Variants in NLK observed in about 807,000 individuals in gnomAD.
NLK encodes nemo like kinase.
In NLK, 11 loss-of-function variants were observed where a neutral mutation model predicts 59.0. The ratio of observed to expected loss-of-function variants is 0.19; its 90% CI spans 0.12 to 0.31. NLK has a LOEUF of 0.31. NLK is among the 10% of genes least tolerant of loss of function. The probability of loss-of-function intolerance (pLI) is 1.00; values close to 1 mark genes in which losing one functional copy is unlikely to be tolerated. For synonymous variants in NLK, 235 were observed against 235.9 expected (o/e 1.00, Z 0.03); for missense variants, 410 against 661.1 (o/e 0.62, Z 4.16).
chr17:28,061,299 GA>G (rs1188689179), intron 1 of NLK, among the ~76,000 whole-genome samples: 3 of 151,974 alleles, frequency 2.0e-5, no homozygotes, highest in Admixed American at 1.3e-4. Context: ...GAAGCAAATT[GA>G]AAAAAAGACA....
At chr17:28,073,196 AC>A (rs1193248054) in intron 1 of NLK, among the ~76,000 whole-genome samples, 1 of 152,190 alleles carries the variant, frequency 6.6e-6, no homozygotes, top group African/African-American at 2.4e-5. Context: ...TCTACCAAGA[AC>A]CAAAGCCAAT....
At chr17:28,085,965 CTCTATGACA>C (rs1408994993) in intron 1 of NLK, among the ~76,000 whole-genome samples, 2 of 152,108 alleles carry the variant, frequency 1.3e-5, no homozygotes, top group Non-Finnish European at 2.9e-5. Flanking sequence ...TGTAAGTACA[CTCTATGACA>C]TCTATGACAT....
chr17:28,101,138 C>G (rs768362796), intron 1 of NLK, among the ~76,000 whole-genome samples: 1 of 152,150 alleles, frequency 6.6e-6, no homozygotes, highest in Non-Finnish European at 1.5e-5. Context: ...TTATTGACCT[C>G]TATGTCTATC....
At chr17:28,190,972 A>C in intron 8 of NLK, 49 bp from the exon 9 acceptor site, 2 of 1,309,710 alleles carry the variant, frequency 1.5e-6, no homozygotes, top group South Asian at 1.4e-5. Context: ...CTATGTGGAC[A>C]GTCATTTTAT....
chr17:28,169,688 C>G (rs949124980), intron 6 of NLK, among the ~76,000 whole-genome samples: 1 of 150,176 alleles, frequency 6.7e-6, no homozygotes, highest in Non-Finnish European at 1.5e-5. Flanking sequence ...GTTACTTAAC[C>G]TCTGTGTTCC....
intron 1 of NLK, chr17:28,048,135 CT>C: frequency 2.6e-6 from 1 of 391,462 alleles, no homozygotes; most frequent in African/African-American, 2.1e-5. Flanking sequence ...AACGAACTTA[CT>C]TTTGGAAATT....
At chr17:28,158,967 G>T (rs1262568568) in intron 3 of NLK, among the ~76,000 whole-genome samples, 1 of 152,162 alleles carries the variant, frequency 6.6e-6, no homozygotes, top group African/African-American at 2.4e-5. Flanking sequence ...TATACATGTG[G>T]TCCATCATCA....
intron 1 of NLK, among the ~76,000 whole-genome samples, chr17:28,077,301 C>T (rs1910204202): frequency 1.3e-5 from 2 of 151,754 alleles, no homozygotes; most frequent in African/African-American, 2.4e-5. Flanking sequence ...GCGAAAGGCA[C>T]CTCTTAACAT....
At chr17:28,121,032 CTTTAA>C (rs1906023588) in intron 1 of NLK, among the ~76,000 whole-genome samples, 1 of 152,122 alleles carries the variant, frequency 6.6e-6, no homozygotes, top group African/African-American at 2.4e-5. Context: ...CTGTTCTAAA[CTTTAA>C]TTAATAACTT....
rs750772709 is a variant in NLK at position 28,185,912 on chromosome 17, T to C, written c.1236+647T>C. Among the ~76,000 whole-genome samples the C allele has an allele frequency of 2.0e-5, 3 of 152,282 alleles. No homozygotes were observed. The East Asian group carries it at 5.8e-4, about 29-fold the overall frequency. ...ATTGCATAAGGAAATGTTTGCTCTG[T>C]GTTGTTGAGATGGAAGCTTTTCCCA... On this transcript the variant is annotated intron_variant, in intron 8 of 10. Transcript: ENST00000407008.
chr17:28,111,426 T>G (rs1905473719), intron 1 of NLK, among the ~76,000 whole-genome samples: 1 of 152,040 alleles, frequency 6.6e-6, no homozygotes, highest in South Asian at 2.1e-4. Flanking sequence ...CTGCCCACCT[T>G]GGCCTCCCAA....
chr17:28,137,672 T>G (rs970697773), intron 3 of NLK, among the ~76,000 whole-genome samples: 1 of 152,146 alleles, frequency 6.6e-6, no homozygotes, highest in African/African-American at 2.4e-5. Flanking sequence ...AGACTGAAAC[T>G]GTAATAAAAT....
intron 3 of NLK, among the ~76,000 whole-genome samples, chr17:28,149,315 C>T (rs556813611): frequency 3.9e-5 from 6 of 152,262 alleles, no homozygotes; most frequent in Middle Eastern, 3.4e-3. Context: ...CTTCCTGCCT[C>T]GGCCTCCCAA....
At chr17:28,093,761 A>C (rs1904597382) in intron 1 of NLK, among the ~76,000 whole-genome samples, 2 of 152,220 alleles carry the variant, frequency 1.3e-5, no homozygotes, top group South Asian at 4.1e-4. Context: ...TGTTTGAAAA[A>C]TGAAGATAAC....
intron 1 of NLK, among the ~76,000 whole-genome samples, chr17:28,111,221 C>A (rs1905460569): frequency 6.6e-6 from 1 of 151,990 alleles, no homozygotes; most frequent in South Asian, 2.1e-4. Flanking sequence ...GAGTCTCGAT[C>A]TATTGCCCAG....
chr17:28,058,440 A>G (rs540544561), intron 1 of NLK, among the ~76,000 whole-genome samples: 24 of 152,294 alleles, frequency 1.6e-4, no homozygotes, highest in African/African-American at 4.3e-4. Context: ...GTTTCTTTCA[A>G]TGCTAATGTA....
intron 3 of NLK, among the ~76,000 whole-genome samples, chr17:28,140,789 C>T (rs1906957507): frequency 6.6e-6 from 1 of 151,728 alleles, no homozygotes; most frequent in Admixed American, 6.6e-5. Context: ...TTCTCTACTC[C>T]CCTACCCCAC....
intron 3 of NLK, among the ~76,000 whole-genome samples, chr17:28,138,812 C>CA (rs1483998713): frequency 2.0e-5 from 3 of 152,106 alleles, no homozygotes; most frequent in Non-Finnish European, 2.9e-5. Context: ...GTTACACTGC[C>CA]AGTACTTAGA....
downstream of NLK, among the ~76,000 whole-genome samples, chr17:28,197,484 A>AG (rs1909512928): frequency 6.6e-6 from 1 of 151,538 alleles, no homozygotes; most frequent in East Asian, 1.9e-4. Flanking sequence ...AAAAAAAAAA[A>AG]CAGAAACTAA....
Sources: gnomAD v4.1 joint callset for allele counts (sites outside exome capture counted in the v4.1 genomes callset) on GRCh38, gnomAD v4.1.1 for gene constraint, MANE v1.5 for transcripts, NCBI Gene and HGNC (gene_info 2026-07-23, HGNC 2026-07-21) for gene names.